Variants in PTPRN2 observed in about 807,000 individuals in gnomAD.
PTPRN2 encodes receptor-type tyrosine-protein phosphatase N2.
Under a neutral mutation model 118.8 loss-of-function variants are expected in PTPRN2, and 74 were observed. The ratio of observed to expected loss-of-function variants is 0.62; its 90% CI spans 0.52 to 0.76. The LOEUF (loss-of-function observed/expected upper bound fraction) is 0.76, where lower values mean the gene tolerates loss of function less well. Among genes scored for constraint, PTPRN2 ranks in the 30% least tolerant of loss-of-function variants. The pLI is 0.00. For missense variants in PTPRN2, 1,481 were observed against 1,394.4 expected (o/e 1.06, Z -0.99); for synonymous variants, 641 against 608.0 (o/e 1.05, Z -0.80).
chr7:158,023,846 G>A (rs1472460949), intron 11 of PTPRN2, among the ~76,000 whole-genome samples: 1 of 150,486 alleles, frequency 6.6e-6, no homozygotes, highest in Non-Finnish European at 1.5e-5. Flanking sequence ...ACACACACGT[G>A]CAGGCAAACA....
At chr7:158,096,601 T>C (rs919096775) in intron 10 of PTPRN2, among the ~76,000 whole-genome samples, 2 of 152,250 alleles carry the variant, frequency 1.3e-5, no homozygotes, top group African/African-American at 4.8e-5. Flanking sequence ...TGACATTCCT[T>C]ATTTCCAGGA....
intron 9 of PTPRN2, among the ~76,000 whole-genome samples, chr7:158,132,005 T>C (rs1818360575): frequency 8.6e-6 from 1 of 116,696 alleles, no homozygotes; most frequent in Non-Finnish European, 1.7e-5. Flanking sequence ...CATGTAAATA[T>C]GCATAGATAC....
At chr7:158,350,120 C>T (rs980384683) in intron 2 of PTPRN2, among the ~76,000 whole-genome samples, 6 of 152,180 alleles carry the variant, frequency 3.9e-5, no homozygotes, top group Non-Finnish European at 5.9e-5. Flanking sequence ...TGTACCAAGA[C>T]ATGGGTAAAA....
intron 5 of PTPRN2, among the ~76,000 whole-genome samples, chr7:158,177,338 A>T (rs1205690671): frequency 6.6e-6 from 1 of 152,108 alleles, no homozygotes; most frequent in Non-Finnish European, 1.5e-5. Flanking sequence ...AGCACCTTTG[A>T]TGCCTTCATT....
At chr7:158,004,531 C>T (rs901260339) in intron 11 of PTPRN2, among the ~76,000 whole-genome samples, 2 of 152,188 alleles carry the variant, frequency 1.3e-5, no homozygotes, top group Non-Finnish European at 2.9e-5. Context: ...ACTGGGTTTG[C>T]TGCTTGTTTA....
intron 11 of PTPRN2, among the ~76,000 whole-genome samples, chr7:158,072,099 T>TGGTGG (rs1491126879): frequency 2.5e-5 from 3 of 122,256 alleles, no homozygotes; most frequent in African/African-American, 6.0e-5. Context: ...GTGCTCGTAG[T>TGGTGG]ATGGAGGTGC....
chr7:158,356,452 CAT>C (rs1447622290), intron 2 of PTPRN2, among the ~76,000 whole-genome samples: 12 of 152,192 alleles, frequency 7.9e-5, no homozygotes, highest in Non-Finnish European at 1.6e-4. Context: ...TTCATCAACT[CAT>C]AGAGTATCTT....
At chr7:158,527,109 G>A (rs887742181) in intron 1 of PTPRN2, among the ~76,000 whole-genome samples, 49 of 152,114 alleles carry the variant, frequency 3.2e-4, no homozygotes, top group African/African-American at 1.2e-3. Context: ...AGGCCTGGGA[G>A]AGCATCCCTC....
At chr7:157,766,404 A>T (rs1783028035) in intron 12 of PTPRN2, among the ~76,000 whole-genome samples, 1 of 149,168 alleles carries the variant, frequency 6.7e-6, no homozygotes, top group Admixed American at 6.6e-5. Context: ...ACCATCCCTC[A>T]TCTGTCAACC....
At chr7:158,019,728 G>A (rs2128875026) in intron 11 of PTPRN2, among the ~76,000 whole-genome samples, 1 of 152,244 alleles carries the variant, frequency 6.6e-6, no homozygotes, top group East Asian at 1.9e-4. Flanking sequence ...GTCCCACCTG[G>A]TCTCAGGGAC....
intron 10 of PTPRN2, among the ~76,000 whole-genome samples, chr7:158,082,187 G>A (rs1165621852): frequency 2.6e-5 from 4 of 152,310 alleles, no homozygotes; most frequent in South Asian, 2.1e-4. Flanking sequence ...GGGCAGCTAA[G>A]ACTGTTGCTT....
intron 11 of PTPRN2, among the ~76,000 whole-genome samples, chr7:157,918,381 A>G (rs1798526877): frequency 6.6e-6 from 1 of 152,244 alleles, no homozygotes; most frequent in African/African-American, 2.4e-5. Context: ...CATCATCCAC[A>G]TGGCAACAGG....
In PTPRN2 at chr7:157,671,821, C is replaced by T. The variant is rs1033979369; in HGVS notation, c.2001+10904G>A. 1.3e-5 allele frequency among the ~76,000 whole-genome samples: 2 copies of T among 152,142 alleles called. No homozygotes were observed. The highest frequency in any genetic ancestry group is 4.8e-5 in the African/African-American group (2 of 41,426). ...CCCTGAAGAGCTTCTTCCTACCAGA[C>T]CCCCGAAGGCCAGGGTCTGGGGGCC... On this transcript the variant is annotated intron_variant, in intron 13 of 22. Coordinates refer to ENST00000389418, the MANE Select transcript of PTPRN2 (RefSeq NM_002847.5). This position sits in a 1 kb window ranked among gnomAD's most constrained non-coding sequence, Gnocchi z 4.1.
At chr7:158,262,964 TCACACACTGCACACATACAGATTCA>T (rs1470653275) in intron 3 of PTPRN2, among the ~76,000 whole-genome samples, 3 of 119,378 alleles carry the variant, frequency 2.5e-5, no homozygotes, top group Non-Finnish European at 5.1e-5. Flanking sequence ...ATACACACAT[TCACACACTGCACACATACAGATTCA>T]CACACATTGC....
intron 5 of PTPRN2, among the ~76,000 whole-genome samples, chr7:158,168,895 A>G (rs138166882): frequency 6.6e-6 from 1 of 152,324 alleles, no homozygotes; most frequent in Non-Finnish European, 1.5e-5. Context: ...TCAAAATGTC[A>G]TGGACAGGCT....
chr7:157,815,800 A>G (rs1806360073), intron 12 of PTPRN2, among the ~76,000 whole-genome samples: 1 of 152,230 alleles, frequency 6.6e-6, no homozygotes, highest in South Asian at 2.1e-4. Context: ...AGCAGCACAC[A>G]TGCATGCCAC....
chr7:157,697,716 C>T (rs1292371932), intron 12 of PTPRN2, among the ~76,000 whole-genome samples: 2 of 141,602 alleles, frequency 1.4e-5, no homozygotes, highest in South Asian at 2.4e-4. Context: ...CACCGTCTAC[C>T]CATGCATACT....
At chr7:158,582,080 C>A (rs538171624) in intron 1 of PTPRN2, among the ~76,000 whole-genome samples, 4 of 152,262 alleles carry the variant, frequency 2.6e-5, no homozygotes, top group Middle Eastern at 3.4e-3. Context: ...ACACTGTTTC[C>A]ACACTGTTTC....
rs892698395 is a variant in PTPRN2 at position 157,874,407 on chromosome 7, C to G, written c.1788+24266G>C. Among the ~76,000 whole-genome samples the G allele has an allele frequency of 6.6e-6, 1 of 152,242 alleles. No individual in the cohort carries two copies. The highest frequency in any genetic ancestry group is 1.9e-4 in the East Asian group (1 of 5,190). ...CCTGCTTTCTGCCCCCTCCTGTCCC[C>G]TCTCTCCTGCCCTGCCCCGATCCTG... On this transcript the variant is annotated intron_variant, in intron 12 of 22. Transcript: ENST00000389418. The surrounding 1 kb of genome is among the most constrained non-coding windows in gnomAD (Gnocchi z 5.8).
Sources: allele counts gnomAD v4.1 joint callset (sites outside exome capture counted in the v4.1 genomes callset), GRCh38; gene constraint gnomAD v4.1.1; non-coding constraint Gnocchi (gnomAD v3.1); transcripts MANE v1.5; gene names NCBI Gene and HGNC (gene_info 2026-07-23, HGNC 2026-07-21).